Variants in NT5C2 observed in about 807,000 individuals in gnomAD.
The protein encoded by NT5C2 is 5'-nucleotidase, cytosolic II, also known as cytosolic purine 5'-nucleotidase.
A neutral mutation model predicts 76.1 loss-of-function variants in NT5C2; 58 were observed. The ratio of observed to expected loss-of-function variants is 0.76; its 90% CI spans 0.62 to 0.95. NT5C2 has a LOEUF of 0.95. Ranked by LOEUF, NT5C2 falls within the 40% of genes least tolerant of loss-of-function variation. NT5C2 has a pLI of 0.00. For missense variants in NT5C2, 478 were observed against 690.3 expected (o/e 0.69, Z 3.45); for synonymous variants, 229 against 237.4 (o/e 0.96, Z 0.32).
At chr10:103,092,217 TTTC>T (rs1287047072) in intron 15 of NT5C2, among the ~76,000 whole-genome samples, 1 of 152,232 alleles carries the variant, frequency 6.6e-6, no homozygotes, top group East Asian at 1.9e-4. Flanking sequence ...TGTAACACAT[TTTC>T]TTCTATCTAC....
At chr10:103,185,398 CA>C (rs2091883702) in intron 1 of NT5C2, among the ~76,000 whole-genome samples, 1 of 151,584 alleles carries the variant, frequency 6.6e-6, no homozygotes, top group Non-Finnish European at 1.5e-5. Context: ...ATAATCCCAC[CA>C]CTCTGGGAGG....
intron 15 of NT5C2, 68 bp downstream of exon 15, chr10:103,093,071 T>C: frequency 1.5e-6 from 2 of 1,358,096 alleles, no homozygotes; most frequent in Non-Finnish European, 2.0e-6. Flanking sequence ...TAATGGTTTA[T>C]CAAAGACGAC....
intron 4 of NT5C2, among the ~76,000 whole-genome samples, chr10:103,119,356 C>A (rs1209682386): frequency 6.6e-6 from 1 of 151,840 alleles, no homozygotes; most frequent in Admixed American, 6.6e-5. Flanking sequence ...GCAACAAGAG[C>A]AAAATTTTGT....
chr10:103,183,262 G>GAGATATAT (rs1554841574), intron 1 of NT5C2, among the ~76,000 whole-genome samples: 1 of 73,344 alleles, frequency 1.4e-5, no homozygotes. Flanking sequence ...GTGTGTGTGT[G>GAGATATAT]ATATATATAT....
At chr10:103,095,368 T>C (rs1409179414) in intron 12 of NT5C2, among the ~76,000 whole-genome samples, 3 of 152,202 alleles carry the variant, frequency 2.0e-5, no homozygotes, top group South Asian at 2.1e-4. Context: ...AAAACAGGGA[T>C]TTGCTGATGT....
intron 3 of NT5C2, chr10:103,145,898 C>A (rs779835839): frequency 7.7e-5 from 15 of 195,014 alleles, no homozygotes; most frequent in Non-Finnish European, 1.9e-5. Context: ...AGAAATAGAG[C>A]CATTAATATA....
intron 3 of NT5C2, among the ~76,000 whole-genome samples, chr10:103,144,017 T>C (rs1376692809): frequency 6.6e-6 from 1 of 152,160 alleles, no homozygotes; most frequent in Non-Finnish European, 1.5e-5. Flanking sequence ...TTCTAATATT[T>C]CATCAAATAT....
At chr10:103,105,199 T>G (rs1184898859) in intron 6 of NT5C2, among the ~76,000 whole-genome samples, 4 of 152,236 alleles carry the variant, frequency 2.6e-5, no homozygotes, top group Admixed American at 2.0e-4. Flanking sequence ...ACATATTCAC[T>G]TTAACCTTAT....
chr10:103,118,144 T>G (rs1218351115), intron 4 of NT5C2, among the ~76,000 whole-genome samples: 1 of 152,206 alleles, frequency 6.6e-6, no homozygotes, highest in African/African-American at 2.4e-5. Context: ...GCAAGTCACC[T>G]CAAATCCCTT....
chr10:103,154,426 T>C (rs771601347), intron 3 of NT5C2, among the ~76,000 whole-genome samples: 19 of 152,146 alleles, frequency 1.2e-4, no homozygotes, highest in Non-Finnish European at 2.8e-4. Context: ...GACTTTAAGG[T>C]AGAAAAAATA....
chr10:103,133,884 G>A (rs1419269529), intron 4 of NT5C2, among the ~76,000 whole-genome samples: 2 of 152,180 alleles, frequency 1.3e-5, no homozygotes, highest in Non-Finnish European at 2.9e-5. Context: ...ATTGGGAGCT[G>A]GAGCAAAGCT....
rs1257699571 is a variant in NT5C2 at position 103,101,026 on chromosome 10, A to C, written c.539+19T>G. The C allele has an allele frequency of 7.5e-7, 1 of 1,327,006 alleles. No individual in the cohort carries two copies. The highest frequency in any genetic ancestry group is 2.3e-5 in the East Asian group (1 of 43,386). 82.2% of individuals were successfully genotyped at this position (1,327,006 alleles called of 1,614,324 possible). A position where few individuals can be genotyped will look rare whatever the true frequency, so the allele number is the denominator to read the frequency against. ...TTTTAAAAATCAATTGGAAAAAAAT[A>C]ATTATAGTATATACATACCTGGTAT... On this transcript the variant is annotated intron_variant, in intron 8 of 18. Transcript: ENST00000404739.
rs545984494 is a variant in NT5C2, at chr10:103,167,063, TG to T, written c.101+7794del. Among the ~76,000 whole-genome samples the T allele has an allele frequency of 5.4e-3, 824 of 152,084 alleles. 3 individuals carry two copies. Among genetic ancestry groups the T allele is most frequent in the Non-Finnish European group, 9.4e-3 (636 of 67,974 alleles). The stretch of plus-strand genomic sequence containing the variant: ...GACAGTCTCGCTCTGTCACCCAGGC[TG>T]GAGTGCAGTGGTAAAATCTCAGCTC... On this transcript the variant is annotated intron_variant, in intron 3 of 18. Transcript: ENST00000404739.
chr10:103,180,648 G>A (rs2090884964), intron 2 of NT5C2, among the ~76,000 whole-genome samples: 1 of 152,092 alleles, frequency 6.6e-6, no homozygotes, highest in African/African-American at 2.4e-5. Flanking sequence ...AGCCCAAGAG[G>A]TTGAGGCTAC....
Position 103,089,375 on chromosome 10 carries a change from G to C in NT5C2, c.*297C>G, listed in dbSNP as rs554128938. 9 of 297,720 alleles carry C rather than the reference G, an allele frequency of 3.0e-5. No individual in the cohort carries two copies. Among genetic ancestry groups the C allele is most frequent in the East Asian group, 2.1e-4 (4 of 19,204 alleles). The allele number at this position is 297,720 out of a possible 1,614,324, so 18.4% of individuals were successfully genotyped here. On this transcript the variant is annotated 3_prime_UTR_variant, in exon 19 of 19. Coordinates refer to ENST00000404739, the MANE Select transcript of NT5C2 (RefSeq NM_001351169.2). ...GTGTATCCAGATACACTGACATACGGATGATTTTAAAAGTGTCACAAGCCA... is the reference window on the plus strand; with the variant it reads ...GTGTATCCAGATACACTGACATACGCATGATTTTAAAAGTGTCACAAGCCA...
intron 15 of NT5C2, among the ~76,000 whole-genome samples, chr10:103,092,360 G>T (rs949987651): frequency 2.0e-5 from 3 of 152,162 alleles, no homozygotes; most frequent in Admixed American, 1.3e-4. Context: ...AGGCTGTCAT[G>T]TCTATCTTTA....
intron 5 of NT5C2, 138 bp downstream of exon 5, chr10:103,106,447 TCAAC>T (rs1187757650): frequency 6.2e-6 from 4 of 647,812 alleles, no homozygotes; most frequent in Non-Finnish European, 1.1e-5. Flanking sequence ...AGAATCAACA[TCAAC>T]CAACCAAAAA....
chr10:103,090,528 T>TATC, intron 18 of NT5C2, 83 bp downstream of exon 18: 8 of 1,248,156 alleles, frequency 6.4e-6, no homozygotes, highest in Non-Finnish European at 9.0e-6. Context: ...ATGTTCAAAC[T>TATC]ATCTCCTGTG....
At chr10:103,135,990 G>A (rs1328950248) in intron 4 of NT5C2, among the ~76,000 whole-genome samples, 1 of 152,158 alleles carries the variant, frequency 6.6e-6, no homozygotes, top group East Asian at 1.9e-4. Flanking sequence ...AGGAGGCTGA[G>A]GCAGGAGAAT....
Sources: allele counts gnomAD v4.1 joint callset (sites outside exome capture counted in the v4.1 genomes callset), GRCh38; gene constraint gnomAD v4.1.1; transcripts MANE v1.5; gene names NCBI Gene and HGNC (gene_info 2026-07-23, HGNC 2026-07-21).